Variants in OLFML2B observed in about 807,000 individuals in gnomAD.
OLFML2B encodes olfactomedin like 2B, also known as olfactomedin-like protein 2B.
OLFML2B carries 57 observed loss-of-function variants against 74.9 expected under a neutral mutation model. The ratio of observed to expected loss-of-function variants is 0.76; its 90% CI spans 0.61 to 0.95. OLFML2B has a LOEUF of 0.95. Ranked by LOEUF, OLFML2B falls within the 40% of genes least tolerant of loss-of-function variation. The pLI is 0.00. For synonymous variants in OLFML2B, 388 were observed against 405.8 expected (o/e 0.96, Z 0.53); for missense variants, 986 against 970.6 (o/e 1.02, Z -0.21).
chr1:161,984,784 G>T lies in OLFML2B; in HGVS notation c.1651+20C>A. ...GTGGGGAAGGGAAGGAGCAGTCTGG[G>T]TTGGATCTTTATCATGTACCTTGTT... On this transcript the variant is annotated intron_variant, in intron 7 of 7. Coordinates refer to ENST00000294794, the MANE Select transcript of OLFML2B (RefSeq NM_015441.3). 2 of 1,611,146 alleles carry T rather than the reference G, an allele frequency of 1.2e-6. No individual in the cohort carries two copies. The highest frequency in any genetic ancestry group is 1.7e-6 in the Non-Finnish European group (2 of 1,178,384).
At chr1:162,023,231 G>C (rs1690775587) in intron 1 of OLFML2B, 26 bp downstream of exon 1, 1 of 1,472,662 alleles carries the variant, frequency 6.8e-7, no homozygotes, top group Admixed American at 2.1e-5. Context: ...GGGCAAGAAG[G>C]GCGGTCGTGG....
At chr1:161,997,759 A>G (rs1689952957) in intron 6 of OLFML2B, 66 bp downstream of exon 6, 2 of 1,512,750 alleles carry the variant, frequency 1.3e-6, no homozygotes, top group Non-Finnish European at 1.8e-6. Flanking sequence ...TCCTCTCAAG[A>G]TATTTCCAGG....
At chr1:161,997,748 C>G in intron 6 of OLFML2B, 77 bp downstream of exon 6, 1 of 1,474,452 alleles carries the variant, frequency 6.8e-7, no homozygotes, top group Non-Finnish European at 9.2e-7. Context: ...GTGCCTCCCT[C>G]TCCTCTCAAG....
chr1:161,997,433 C>G (rs1226683727), intron 6 of OLFML2B, among the ~76,000 whole-genome samples: 1 of 152,154 alleles, frequency 6.6e-6, no homozygotes, highest in Non-Finnish European at 1.5e-5. Flanking sequence ...ACTTTCCCCC[C>G]AGTAAAAACC....
intron 3 of OLFML2B, among the ~76,000 whole-genome samples, chr1:162,010,057 A>T (rs1393490553): frequency 6.6e-6 from 1 of 152,220 alleles, no homozygotes; most frequent in African/African-American, 2.4e-5. Flanking sequence ...AATCGTGCCT[A>T]TCTGGCAGAA....
intron 6 of OLFML2B, among the ~76,000 whole-genome samples, chr1:161,996,810 A>G (rs1571291410): frequency 6.6e-6 from 1 of 152,300 alleles, no homozygotes; most frequent in South Asian, 2.1e-4. Flanking sequence ...CTTCTGGAAC[A>G]TACCTTGTTT....
chr1:162,019,233 C>T (rs1690632101), intron 2 of OLFML2B, among the ~76,000 whole-genome samples: 1 of 152,196 alleles, frequency 6.6e-6, no homozygotes, highest in African/African-American at 2.4e-5. Context: ...ATTACTCCAC[C>T]AAGTAGATGT....
chr1:161,995,593 G>A (rs183286961), intron 6 of OLFML2B, among the ~76,000 whole-genome samples: 1 of 152,176 alleles, frequency 6.6e-6, no homozygotes, highest in South Asian at 2.1e-4. Flanking sequence ...CAGTTGGGGA[G>A]AGGCTGGGTT....
At chr1:162,003,841 T>C (rs1690147249) in intron 4 of OLFML2B, among the ~76,000 whole-genome samples, 1 of 152,032 alleles carries the variant, frequency 6.6e-6, no homozygotes, top group Non-Finnish European at 1.5e-5. Context: ...CTTTTTGGCA[T>C]GGGGTTCACA....
At chr1:162,007,487 C>G (rs1690267590) in intron 3 of OLFML2B, among the ~76,000 whole-genome samples, 1 of 152,192 alleles carries the variant, frequency 6.6e-6, no homozygotes, top group African/African-American at 2.4e-5. Flanking sequence ...CTTTGGCCCT[C>G]ATTCTAAAGT....
intron 5 of OLFML2B, 66 bp downstream of exon 5, chr1:162,000,047 C>G (rs1260395354): frequency 8.6e-6 from 11 of 1,278,478 alleles, no homozygotes; most frequent in Non-Finnish European, 1.2e-5. Context: ...ATCCAGCCCA[C>G]TATGGTCCAA....
At chr1:161,992,236 C>T (rs1689761830) in intron 6 of OLFML2B, among the ~76,000 whole-genome samples, 1 of 152,232 alleles carries the variant, frequency 6.6e-6, no homozygotes, top group African/African-American at 2.4e-5. Context: ...TAGCTTCAGA[C>T]TTTTTTCTGC....
chr1:162,018,511 C>T (rs1302185269), intron 2 of OLFML2B, among the ~76,000 whole-genome samples: 1 of 152,142 alleles, frequency 6.6e-6, no homozygotes, highest in Non-Finnish European at 1.5e-5. Flanking sequence ...CTAAACTGAC[C>T]CTGGGCTAAA....
chr1:162,009,190 T>C lies in OLFML2B; in HGVS notation c.547-2717A>G, dbSNP rs533224439. On this transcript the variant is annotated intron_variant, in intron 3 of 7. Coordinates refer to ENST00000294794, the MANE Select transcript of OLFML2B (RefSeq NM_015441.3). ...AAATATCAACTAGTGAAAAGTGCTCTGCAGAAACTCTGCCAGGGTGATGTG... is the reference window on the plus strand; with the variant it reads ...AAATATCAACTAGTGAAAAGTGCTCCGCAGAAACTCTGCCAGGGTGATGTG... Among the ~76,000 whole-genome samples, 5 of 142,534 alleles carry C rather than the reference T, an allele frequency of 3.5e-5. No individual in the cohort carries two copies. The South Asian group carries it at 1.1e-3, about 31-fold the overall frequency. 93.5% of individuals were successfully genotyped at this position (142,534 alleles called of 152,430 possible).
chr1:161,997,591 C>A (rs1689948258), intron 6 of OLFML2B, among the ~76,000 whole-genome samples: 1 of 152,204 alleles, frequency 6.6e-6, no homozygotes, highest in African/African-American at 2.4e-5. Flanking sequence ...ATCTTGACTC[C>A]ATTAATTTAT....
At chr1:161,994,491 G>T (rs1419666894) in intron 6 of OLFML2B, among the ~76,000 whole-genome samples, 2 of 152,196 alleles carry the variant, frequency 1.3e-5, no homozygotes, top group East Asian at 3.8e-4. Flanking sequence ...CCTGCCACCT[G>T]CCCTCCCCCA....
chr1:161,999,254 A>C (rs1017455259), intron 5 of OLFML2B, among the ~76,000 whole-genome samples: 3 of 152,242 alleles, frequency 2.0e-5, no homozygotes, highest in African/African-American at 7.2e-5. Flanking sequence ...GTGCTCATCA[A>C]AAACACCATT....
chr1:162,020,764 C>G (rs1267287944), intron 1 of OLFML2B, among the ~76,000 whole-genome samples: 1 of 152,168 alleles, frequency 6.6e-6, no homozygotes, highest in Non-Finnish European at 1.5e-5. Flanking sequence ...ATCCACCTGC[C>G]CCGGCCTCCC....
Position 162,023,803 on chromosome 1 carries a change from G to C in OLFML2B, c.-373C>G, listed in dbSNP as rs1032406639. On this transcript the variant is annotated 5_prime_UTR_variant, in exon 1 of 8. Transcript: ENST00000294794. The stretch of plus-strand genomic sequence containing the variant: ...GCCGGGACGGGCGGCGGGGAGCCTC[G>C]GGACGCACGGGGACCGGACACGGGG... 3 of 162,128 alleles carry C rather than the reference G, an allele frequency of 1.9e-5. No individual in the cohort carries two copies. The highest frequency in any genetic ancestry group is 4.0e-5 in the Non-Finnish European group (3 of 74,940). The allele number at this position is 162,128 out of a possible 1,614,324, so 10.0% of individuals were successfully genotyped here.
Sources: allele counts gnomAD v4.1 joint callset (sites outside exome capture counted in the v4.1 genomes callset), GRCh38; gene constraint gnomAD v4.1.1; transcripts MANE v1.5; gene names NCBI Gene and HGNC (gene_info 2026-07-23, HGNC 2026-07-21).